SIPA1L2: variants seen among roughly 807,000 people sequenced by gnomAD.
SIPA1L2 encodes signal-induced proliferation-associated 1-like protein 2.
A neutral mutation model predicts 163.9 loss-of-function variants in SIPA1L2; 56 were observed. That is an observed-to-expected ratio of 0.34 (90% confidence interval 0.28 to 0.43). SIPA1L2 has a LOEUF of 0.43. Among genes scored for constraint, SIPA1L2 ranks in the 20% least tolerant of loss-of-function variants. SIPA1L2 has a pLI of 1.00. For synonymous variants in SIPA1L2, 877 were observed against 865.7 expected, an observed-to-expected ratio of 1.01 and a Z score of -0.23; for missense variants, 1,974 against 2,193.5, an observed-to-expected ratio of 0.90 and a Z score of 2.00.
At chr1:232,513,035 C>T (rs1400127197) in intron 3 of SIPA1L2, among the ~76,000 whole-genome samples, 1 of 152,062 alleles carries the variant, frequency 6.6e-6, no homozygotes, top group Non-Finnish European at 1.5e-5. Context: ...ATAATGAAGG[C>T]GTGAAGGACA....
rs879900217 is a variant in SIPA1L2, at chr1:232,463,951, A to AGGGAGGAAATATTTTTGGT, written c.2820+870_2820+888dup. Reference sequence around the variant, plus strand: ...CTTATACATGGTCTCTAATAACAAAAGGGAGGAAATATTTTTGGTGGGAGG... The same window carrying AGGGAGGAAATATTTTTGGT: ...CTTATACATGGTCTCTAATAACAAAAGGGAGGAAATATTTTTGGTGGGAGGAAATATTTTTGGTGGGAGG... On this transcript the variant is annotated intron_variant, in intron 9 of 22. Coordinates refer to ENST00000674635, the MANE Select transcript of SIPA1L2 (RefSeq NM_020808.5). Among the ~76,000 whole-genome samples, 10 of 152,288 alleles carry AGGGAGGAAATATTTTTGGT rather than the reference A, an allele frequency of 6.6e-5. No individual in the cohort carries two copies. The South Asian group carries it at 1.2e-3, about 19-fold the overall frequency.
intron 3 of SIPA1L2, among the ~76,000 whole-genome samples, chr1:232,494,013 T>C (rs771918134): frequency 4.6e-5 from 7 of 152,208 alleles, no homozygotes; most frequent in Admixed American, 1.3e-4. Flanking sequence ...AGAATCAATA[T>C]TGAAAACAGT....
At chr1:232,411,230 G>A (rs908109300) in intron 19 of SIPA1L2, among the ~76,000 whole-genome samples, 3 of 152,222 alleles carry the variant, frequency 2.0e-5, no homozygotes, top group Non-Finnish European at 4.4e-5. Context: ...GTCTTGACCA[G>A]ATTTTATGGT....
intron 13 of SIPA1L2, 148 bp from the exon 14 acceptor site, chr1:232,441,542 A>G (rs1662897152): frequency 8.8e-6 from 7 of 799,120 alleles, no homozygotes; most frequent in South Asian, 1.5e-5. Flanking sequence ...ATATGTCACA[A>G]AAGTATACAG....
In SIPA1L2 at chr1:232,465,068, G is replaced by T; in HGVS notation, c.2592C>A (p.Phe864Leu). Reference protein sequence around the residue: ...AIMWHVIARDFGQSADIECLL... With the variant: ...AIMWHVIARDLGQSADIECLL... Reference sequence around the variant, plus strand: ...GACATTCAATGTCAGCAGACTGGCCGAAGTCCCGGGCTATCACGTGCCACA... The same window carrying T: ...GACATTCAATGTCAGCAGACTGGCCTAAGTCCCGGGCTATCACGTGCCACA... The change falls in exon 9 of 23, where the codon TTC (phenylalanine) becomes TTA (leucine). Residue 864 changes from phenylalanine (F) to leucine (L), a missense_variant. This residue lies in a region of SIPA1L2 where 1,079 missense variants were observed against 1,150.7 expected (regional missense o/e 0.94). Coordinates refer to ENST00000674635, the MANE Select transcript of SIPA1L2 (RefSeq NM_020808.5). This position sits in a 1 kb window ranked among gnomAD's most constrained non-coding sequence, Gnocchi z 4.1. 6.2e-7 allele frequency: 1 copy of T among 1,614,122 alleles called. No homozygotes were observed. Among genetic ancestry groups the T allele is most frequent in the Non-Finnish European group, 8.5e-7 (1 of 1,180,022 alleles).
chr1:232,443,761 A>G (rs1663046609), intron 11 of SIPA1L2, 76 bp from the exon 12 acceptor site: 1 of 1,067,136 alleles, frequency 9.4e-7, no homozygotes, highest in African/African-American at 1.6e-5. Context: ...GTTTTGTTTC[A>G]CAAATAAATA....
In SIPA1L2 at chr1:232,526,239, C is replaced by T. The variant is rs143080184; in HGVS notation, c.-269-10631G>A. On this transcript the variant is annotated intron_variant, in intron 2 of 22. Transcript: ENST00000674635. ...GCCTCCCCAGGCCTGTATCTGTCAT[C>T]CTACCAGGGACCCTGGTGCTTGGCA... Among the ~76,000 whole-genome samples, 331 of 152,334 alleles carry T rather than the reference C, an allele frequency of 2.2e-3. 1 individual carries two copies. Among genetic ancestry groups the T allele is most frequent in the African/African-American group, 7.2e-3 (301 of 41,572 alleles).
chr1:232,417,276 C>G (rs1207011198), intron 18 of SIPA1L2, among the ~76,000 whole-genome samples: 1 of 152,202 alleles, frequency 6.6e-6, no homozygotes, highest in Non-Finnish European at 1.5e-5. Flanking sequence ...ACAGTTACAG[C>G]TACGCCAATT....
At chr1:232,528,078 T>TTATATATATATATATATATATATATA (rs67185229) in intron 2 of SIPA1L2, among the ~76,000 whole-genome samples, 19 of 96,076 alleles carry the variant, frequency 2.0e-4, no homozygotes, top group African/African-American at 4.4e-4. Flanking sequence ...TAAGCAAGTT[T>TTATATATATATATATATATATATATA]TATATATATA....
In SIPA1L2 at chr1:232,479,703, TAGAG is replaced by T; in HGVS notation, c.2005_2008del (p.Leu669IlefsTer28). 1.2e-6 allele frequency: 2 copies of T among 1,613,654 alleles called. No homozygotes were observed. Among genetic ancestry groups the T allele is most frequent in the Non-Finnish European group, 1.7e-6 (2 of 1,179,720 alleles). On this transcript the variant is annotated frameshift_variant, in exon 7 of 23. Transcript: ENST00000674635. LOFTEE classifies it high-confidence loss of function. Reference sequence around the variant, plus strand: ...GAGTTCGTAGTCTTTGTATGTGGTATAGAGAGAGTGCGTGCCCGTGGAATCAGCT... The same window carrying T: ...GAGTTCGTAGTCTTTGTATGTGGTATAGAGTGCGTGCCCGTGGAATCAGCT...
chr1:232,615,976 T>G (rs981304731), intron 1 of SIPA1L2, among the ~76,000 whole-genome samples: 1 of 152,154 alleles, frequency 6.6e-6, no homozygotes, highest in African/African-American at 2.4e-5. Flanking sequence ...ATAGGCAGCT[T>G]TTCTCGATAA....
At chr1:232,446,815 C>T (rs188655616) in intron 10 of SIPA1L2, among the ~76,000 whole-genome samples, 6 of 152,360 alleles carry the variant, frequency 3.9e-5, no homozygotes, top group East Asian at 1.9e-4. Flanking sequence ...CCAGTCCCTC[C>T]ATAGTCACAT....
At chr1:232,497,482 C>T (rs1231754187) in intron 3 of SIPA1L2, among the ~76,000 whole-genome samples, 1 of 152,064 alleles carries the variant, frequency 6.6e-6, no homozygotes, top group Admixed American at 6.5e-5. Flanking sequence ...AGTCATCATC[C>T]TTCTCTCTCA....
chr1:232,539,960 C>T (rs528840344), intron 2 of SIPA1L2, among the ~76,000 whole-genome samples: 2 of 152,240 alleles, frequency 1.3e-5, no homozygotes, highest in South Asian at 2.1e-4. Context: ...GTGCCCAATG[C>T]GAATGCCTGT....
intron 2 of SIPA1L2, among the ~76,000 whole-genome samples, chr1:232,525,633 T>C (rs987458130): frequency 2.0e-5 from 3 of 152,102 alleles, no homozygotes; most frequent in African/African-American, 7.2e-5. Context: ...AGGCTGCTCA[T>C]GTCGTAGACA....
intron 8 of SIPA1L2, among the ~76,000 whole-genome samples, chr1:232,469,158 C>G (rs2102941180): frequency 6.6e-6 from 1 of 152,276 alleles, no homozygotes; most frequent in Non-Finnish European, 1.5e-5. Flanking sequence ...TATGAATTGG[C>G]ATTGGTACCG....
chr1:232,611,305 G>A (rs1662223673), intron 1 of SIPA1L2, among the ~76,000 whole-genome samples: 1 of 152,200 alleles, frequency 6.6e-6, no homozygotes, highest in African/African-American at 2.4e-5. Flanking sequence ...GGTACCAGTA[G>A]AGTGGGGCGT....
intron 3 of SIPA1L2, among the ~76,000 whole-genome samples, 187 bp downstream of exon 3, chr1:232,513,670 G>A (rs955035064): frequency 1.3e-5 from 2 of 152,178 alleles, no homozygotes; most frequent in African/African-American, 4.8e-5. Flanking sequence ...GCATGGAATT[G>A]CAGTTTTCTA....
rs904567158 is a variant in SIPA1L2 at position 232,514,700 on chromosome 1, C to T, written c.640G>A (p.Gly214Arg). The part of the protein sequence containing the change: ...SGENFFAMLR[G>R]YRVENYDHKA... ...TGGTCATAATTTTCTACTCGGTACCCTCTGAGCATAGCAAAAAAGTTTTCA... is the reference window on the plus strand; with the variant it reads ...TGGTCATAATTTTCTACTCGGTACCTTCTGAGCATAGCAAAAAAGTTTTCA... The change falls in exon 3 of 23, where the codon GGG becomes AGG. Residue 214 changes from glycine (G) to arginine (R), a missense_variant. By Grantham distance (125) the Gly-to-Arg change is moderately radical. This residue lies in a region of SIPA1L2 where 607 missense variants were observed against 624.0 expected (regional missense o/e 0.97). Coordinates refer to ENST00000674635, the MANE Select transcript of SIPA1L2 (RefSeq NM_020808.5). 1 of 1,614,090 alleles carries T rather than the reference C, an allele frequency of 6.2e-7. No individual in the cohort carries two copies. Among genetic ancestry groups the T allele is most frequent in the Non-Finnish European group, 8.5e-7 (1 of 1,180,044 alleles).
Sources: allele counts gnomAD v4.1 joint callset (sites outside exome capture counted in the v4.1 genomes callset), GRCh38; gene constraint gnomAD v4.1.1; regional missense constraint gnomAD v4.1.1; non-coding constraint Gnocchi (gnomAD v3.1); transcripts MANE v1.5; gene names NCBI Gene and HGNC (gene_info 2026-07-23, HGNC 2026-07-21).